ZNF267: variants seen among roughly 807,000 people sequenced by gnomAD.
ZNF267 encodes the protein zinc finger protein 267.
Under a neutral mutation model 71.6 loss-of-function variants are expected in ZNF267, and 61 were observed. The ratio of observed to expected loss-of-function variants is 0.85; its 90% confidence interval spans 0.69 to 1.05. ZNF267 has a LOEUF of 1.05. ZNF267 is among the 50% of genes least tolerant of loss of function. The probability of loss-of-function intolerance (pLI) is 0.00; values close to 1 mark genes in which losing one functional copy is unlikely to be tolerated. For synonymous variants in ZNF267, 288 were observed against 293.2 expected (o/e 0.98, Z 0.18); for missense variants, 852 against 870.0 (o/e 0.98, Z 0.26).
Position 31,916,690 on chromosome 16 carries a change from C to A in ZNF267, c.*209C>A. ...CAAATTATTTTAAACTGTGCTCAAC[C>A]CTTACTCAAGATAATCCATACTAGA... On this transcript the variant is annotated 3_prime_UTR_variant, in exon 4 of 4. Transcript: ENST00000300870. 1.7e-6 allele frequency: 1 copy of A among 579,664 alleles called. No individual in the cohort carries two copies. Among genetic ancestry groups the A allele is most frequent in the East Asian group, 3.0e-5 (1 of 33,870 alleles). The allele number at this position is 579,664 out of a possible 1,614,324, so 35.9% of individuals were successfully genotyped here.
chr16:31,901,398 C>A (rs1481075982), intron 3 of ZNF267, among the ~76,000 whole-genome samples: 1 of 152,230 alleles, frequency 6.6e-6, no homozygotes, highest in East Asian at 1.9e-4. Context: ...AATGGTTGAA[C>A]TAGTTTACAG....
rs1344973463 is a variant in ZNF267 at position 31,916,196 on chromosome 16, A to G, written c.1947A>G (p.Thr649=). 6.2e-7 allele frequency: 1 copy of G among 1,613,660 alleles called. No homozygotes were observed. Among genetic ancestry groups the G allele is most frequent in the Admixed American group, 1.7e-5 (1 of 60,000 alleles). ...KAFNYRSYLT[T]HQRSHTGERP... ...TCAACTATAGGTCATACCTCACTAC[A>G]CATCAGAGAAGTCATACTGGAGAGA... is the stretch of plus-strand genomic sequence containing the variant. The change falls in exon 4 of 4, where the codon ACA becomes ACG. Residue 649 remains threonine, a synonymous_variant. Coordinates refer to ENST00000300870, the MANE Select transcript of ZNF267 (RefSeq NM_003414.6).
intron 3 of ZNF267, chr16:31,895,064 G>T: frequency 4.2e-6 from 1 of 238,880 alleles, no homozygotes; most frequent in Non-Finnish European, 8.3e-6. Flanking sequence ...GGGGCCTTCT[G>T]CTTTGCTGAT....
At chr16:31,914,119 G>A (rs1453387944) in intron 3 of ZNF267, 3 of 193,172 alleles carry the variant, frequency 1.6e-5, no homozygotes, top group African/African-American at 7.0e-5. Flanking sequence ...AAGTCAGAAG[G>A]TGATGAATCC....
intron 3 of ZNF267, among the ~76,000 whole-genome samples, chr16:31,890,552 C>T (rs997151348): frequency 6.6e-6 from 1 of 152,194 alleles, no homozygotes; most frequent in African/African-American, 2.4e-5. Flanking sequence ...CATTTAGCCA[C>T]TCTGTGTTTA....
At chr16:31,913,303 C>T (rs574031191) in intron 3 of ZNF267, 37 of 152,346 alleles carry the variant, frequency 2.4e-4, no homozygotes, top group African/African-American at 7.5e-4. Context: ...TTCTTCCAGA[C>T]GAATGGAATT....
chr16:31,906,715 A>G (rs1407988932), intron 3 of ZNF267, among the ~76,000 whole-genome samples: 1 of 151,958 alleles, frequency 6.6e-6, no homozygotes, highest in Non-Finnish European at 1.5e-5. Flanking sequence ...TCCCTGACCC[A>G]TTGCACTTCC....
chr16:31,888,752 T>C (rs927578073), intron 3 of ZNF267, among the ~76,000 whole-genome samples: 1 of 152,076 alleles, frequency 6.6e-6, no homozygotes, highest in Non-Finnish European at 1.5e-5. Context: ...TGTATCTTTA[T>C]AAGGAATATT....
intron 3 of ZNF267, chr16:31,894,591 C>G: frequency 2.0e-6 from 1 of 489,660 alleles, no homozygotes; most frequent in Admixed American, 2.4e-5. Flanking sequence ...GAGCTTTGTG[C>G]TGTTCAGATA....
chr16:31,886,508 A>G lies in ZNF267; in HGVS notation c.226+1252A>G, dbSNP rs751536522. Among the ~76,000 whole-genome samples the G allele has an allele frequency of 5.9e-5, 9 of 152,300 alleles. No individual in the cohort carries two copies. The South Asian group carries it at 1.9e-3, about 32-fold the overall frequency. ...GGTTGTGTGCTTTTTATGAGAATCT[A>G]TCTAATGCCTGATGATCTGAGGTAA... On this transcript the variant is annotated intron_variant, in intron 3 of 3. Coordinates refer to ENST00000300870, the MANE Select transcript of ZNF267 (RefSeq NM_003414.6).
chr16:31,892,849 C>T (rs2083970782), intron 3 of ZNF267, among the ~76,000 whole-genome samples: 1 of 152,234 alleles, frequency 6.6e-6, no homozygotes, highest in African/African-American at 2.4e-5. Context: ...ACCCTCCTGG[C>T]CGCTTTTACT....
intron 3 of ZNF267, chr16:31,913,217 C>T (rs889350024): frequency 6.6e-6 from 1 of 152,090 alleles, no homozygotes; most frequent in Non-Finnish European, 1.5e-5. Flanking sequence ...CATAGAGGTA[C>T]CATGTGGTTG....
intron 3 of ZNF267, among the ~76,000 whole-genome samples, chr16:31,888,143 ATT>A (rs1009664158): frequency 6.2e-4 from 94 of 152,046 alleles, no homozygotes; most frequent in African/African-American, 2.1e-3. Flanking sequence ...TATAAATCAG[ATT>A]TTTTTGTAAC....
intron 3 of ZNF267, among the ~76,000 whole-genome samples, chr16:31,891,650 C>T (rs1411942607): frequency 6.6e-6 from 1 of 152,174 alleles, no homozygotes; most frequent in African/African-American, 2.4e-5. Context: ...GAGAGTTTCC[C>T]TGCACAGGCT....
At position 31,912,668 on chromosome 16, in the gene ZNF267, C is replaced by T. The variant is rs555291960; in HGVS notation, c.227-1808C>T. The T allele has an allele frequency of 6.6e-5, 10 of 151,566 alleles. No individual in the cohort carries two copies. In the South Asian group the frequency reaches 2.1e-3, roughly 31 times the overall value. The allele number at this position is 151,566 out of a possible 1,614,324, so 9.4% of individuals were successfully genotyped here. On this transcript the variant is annotated intron_variant, in intron 3 of 3. Transcript: ENST00000300870. ...TAAGGCTAACAACTCTTAGATTTGC[C>T]CTTTTCAGGGTGTTTTCTAAATCTT... is the stretch of plus-strand genomic sequence containing the variant.
chr16:31,882,826 C>G (rs1395668156), intron 1 of ZNF267, among the ~76,000 whole-genome samples: 3 of 152,210 alleles, frequency 2.0e-5, no homozygotes, highest in Non-Finnish European at 4.4e-5. Flanking sequence ...GGTGCAGGTG[C>G]TCTCTGTCAG....
Position 31,885,358 on chromosome 16 carries a change from G to A in ZNF267, c.226+102G>A. On this transcript the variant is annotated intron_variant, in intron 3 of 3. Coordinates refer to ENST00000300870, the MANE Select transcript of ZNF267 (RefSeq NM_003414.6). Reference sequence around the variant, plus strand: ...GATTGGGAAGTTCTCCAGTGGAAATGATTTTTGAGACACCTGGCTTTATTT... The same window carrying A: ...GATTGGGAAGTTCTCCAGTGGAAATAATTTTTGAGACACCTGGCTTTATTT... 4.1e-6 allele frequency: 4 copies of A among 984,756 alleles called. No individual in the cohort carries two copies. In the South Asian group the frequency reaches 6.8e-5, roughly 17 times the overall value. The allele number at this position is 984,756 out of a possible 1,614,324, so 61.0% of individuals were successfully genotyped here. A position where few individuals can be genotyped will look rare whatever the true frequency, so the allele number is the denominator to read the frequency against.
chr16:31,900,468 G>A (rs996444243), intron 3 of ZNF267, among the ~76,000 whole-genome samples: 3 of 151,656 alleles, frequency 2.0e-5, no homozygotes, highest in Non-Finnish European at 4.4e-5. Context: ...TTCCTGAAAC[G>A]GAGTCTCGCT....
intron 3 of ZNF267, chr16:31,911,839 G>T (rs2084137981): frequency 1.3e-5 from 2 of 149,230 alleles, no homozygotes; most frequent in African/African-American, 5.0e-5. Context: ...TTTTATTTGA[G>T]GTTACCATGA....
Sources: gnomAD v4.1 joint callset for allele counts (sites outside exome capture counted in the v4.1 genomes callset) on GRCh38, gnomAD v4.1.1 for gene constraint, MANE v1.5 for transcripts, NCBI Gene and HGNC (gene_info 2026-07-23, HGNC 2026-07-21) for gene names.